MXD4: variants seen among roughly 807,000 people sequenced by gnomAD.
The protein encoded by MXD4 is MAX dimerization protein 4, also known as Mad4 homolog.
Under a neutral mutation model 24.5 loss-of-function variants are expected in MXD4, and 16 were observed. The ratio of observed to expected loss-of-function variants is 0.65; its 90% CI spans 0.44 to 0.99. The LOEUF (loss-of-function observed/expected upper bound fraction) is 0.99, where lower values mean the gene tolerates loss of function less well. Ranked by LOEUF, MXD4 falls within the 50% of genes least tolerant of loss-of-function variation. The pLI is 0.00. For missense variants in MXD4, 301 were observed against 301.5 expected (o/e 1.00, Z 0.01); for synonymous variants, 164 against 134.2 (o/e 1.22, Z -1.54).
At chr4:2,260,529 G>A (rs1206000379) in intron 2 of MXD4, 1 of 455,658 alleles carries the variant, frequency 2.2e-6, no homozygotes, top group Non-Finnish European at 4.4e-6. Flanking sequence ...GACTTGGTTT[G>A]GAGAGAAGCG....
At position 2,261,943 on chromosome 4, in the gene MXD4, G is replaced by A; in HGVS notation, c.38C>T (p.Ala13Val). The change falls in exon 1 of 6, where the codon GCC becomes GTC. Residue 13 changes from alanine (A) to valine (V), a missense_variant. By Grantham distance (64) the Ala-to-Val change is moderately conservative. Transcript: ENST00000337190. Reference sequence around the variant, plus strand: ...TCGATCCCTGCGCTCCAGGTACTCGGCCGCCTCCAGCAGGATCAGCAGGGA... The same window carrying A: ...TCGATCCCTGCGCTCCAGGTACTCGACCGCCTCCAGCAGGATCAGCAGGGA... ...LNSLLILLEAAEYLERRDREA... is the reference protein window; with the variant it reads ...LNSLLILLEAVEYLERRDREA... 1 of 1,455,808 alleles carries A rather than the reference G, an allele frequency of 6.9e-7. No homozygotes were observed. 90.2% of individuals were successfully genotyped at this position (1,455,808 alleles called of 1,614,324 possible).
intron 2 of MXD4, among the ~76,000 whole-genome samples, chr4:2,261,276 A>C (rs1051115487): frequency 6.6e-6 from 1 of 151,986 alleles, no homozygotes; most frequent in African/African-American, 2.4e-5. Context: ...TGGCAGAGCC[A>C]GTCGAAAGGA....
At chr4:2,253,696 G>A (rs550116999) in intron 3 of MXD4, 7 of 152,286 alleles carry the variant, frequency 4.6e-5, no homozygotes, top group South Asian at 2.1e-4. Context: ...GAGTAACGTC[G>A]GCAGGGACAG....
At position 2,261,781 on chromosome 4, in the gene MXD4, G is replaced by C. The variant is rs1298763057; in HGVS notation, c.108C>G (p.Asp36Glu). The change falls in exon 2 of 6, where the codon GAC becomes GAG. Residue 36 changes from aspartate (D) to glutamate (E), a missense_variant. Asp to Glu is a conservative substitution (Grantham distance 45, BLOSUM62 2). Coordinates refer to ENST00000337190, the MANE Select transcript of MXD4 (RefSeq NM_006454.3). ...GYASVLPFDG[D>E]FAREKTKAAG... ...CCGCCTTTGTTTTCTCCCTGGCGAA[G>C]TCGCCGTCGAAGGGCAGCACCGAGG... 7.0e-7 allele frequency: 1 copy of C among 1,431,798 alleles called. No individual in the cohort carries two copies. The highest frequency in any genetic ancestry group is 2.4e-5 in the Admixed American group (1 of 42,174). The allele number at this position is 1,431,798 out of a possible 1,614,324, so 88.7% of individuals were successfully genotyped here.
At chr4:2,260,497 C>G (rs1735517634) in intron 2 of MXD4, 1 of 453,868 alleles carries the variant, frequency 2.2e-6, no homozygotes, top group Admixed American at 2.4e-5. Context: ...AGCTCACGCC[C>G]CAGAGTTCTC....
chr4:2,254,906 G>C (rs1321404175), intron 3 of MXD4: 1 of 190,496 alleles, frequency 5.2e-6, no homozygotes, highest in Non-Finnish European at 1.1e-5. Flanking sequence ...GGTCTGAAGG[G>C]CCATCGATAC....
chr4:2,261,827 G>T lies in MXD4; in HGVS notation c.65-3C>A. The T allele has an allele frequency of 7.3e-7, 1 of 1,379,152 alleles. No individual in the cohort carries two copies. The highest frequency in any genetic ancestry group is 9.4e-7 in the Non-Finnish European group (1 of 1,063,280). 85.4% of individuals were successfully genotyped at this position (1,379,152 alleles called of 1,614,324 possible). A position where few individuals can be genotyped will look rare whatever the true frequency, so the allele number is the denominator to read the frequency against. The stretch of plus-strand genomic sequence containing the variant: ...CGAGGCGTAGCCGTGCTCGGCCTCT[G>T]CGGACACACGGCGCGGTCAGCGGCC... On this transcript the variant is annotated splice_region_variant and splice_polypyrimidine_tract_variant and intron_variant, in intron 1 of 5. Coordinates refer to ENST00000337190, the MANE Select transcript of MXD4 (RefSeq NM_006454.3).
chr4:2,251,789 C>A (rs1560112780), intron 4 of MXD4, among the ~76,000 whole-genome samples: 1 of 152,212 alleles, frequency 6.6e-6, no homozygotes, highest in Non-Finnish European at 1.5e-5. Flanking sequence ...AAGCTCCTGA[C>A]ACCCCAGCCT....
At chr4:2,254,112 G>C (rs1430828612) in intron 3 of MXD4, 1 of 152,098 alleles carries the variant, frequency 6.6e-6, no homozygotes, top group Non-Finnish European at 1.5e-5. Flanking sequence ...GTCCACTCTA[G>C]CAAATGGCTT....
Position 2,250,283 on chromosome 4 carries a change from G to A in MXD4, c.*261C>T, listed in dbSNP as rs2108787690. On this transcript the variant is annotated 3_prime_UTR_variant, in exon 6 of 6. Coordinates refer to ENST00000337190, the MANE Select transcript of MXD4 (RefSeq NM_006454.3). Reference sequence around the variant, plus strand: ...GATTAGGAATCTGAGAACAGACCGTGGGCGGCTATGCTGACCAGGGCTCCG... The same window carrying A: ...GATTAGGAATCTGAGAACAGACCGTAGGCGGCTATGCTGACCAGGGCTCCG... The A allele has an allele frequency of 1.8e-6, 1 of 554,854 alleles. No homozygotes were observed. The highest frequency in any genetic ancestry group is 3.4e-5 in the Admixed American group (1 of 29,778). The allele number at this position is 554,854 out of a possible 1,614,324, so 34.4% of individuals were successfully genotyped here. A position where few individuals can be genotyped will look rare whatever the true frequency, so the allele number is the denominator to read the frequency against.
intron 5 of MXD4, 46 bp downstream of exon 5, chr4:2,251,038 C>G (rs763707328): frequency 2.0e-6 from 3 of 1,492,600 alleles, no homozygotes; most frequent in Non-Finnish European, 2.7e-6. Context: ...TGCACCACTG[C>G]GCACCCGGAG....
At position 2,251,154 on chromosome 4, in the gene MXD4, C is replaced by T. The variant is rs144352901; in HGVS notation, c.402G>A (p.Ser134=). The T allele has an allele frequency of 1.1e-4, 184 of 1,600,498 alleles. No homozygotes were observed. Among genetic ancestry groups the T allele is most frequent in the African/African-American group, 1.1e-3 (79 of 74,738 alleles). ...TGCGCACGCGCTCCACGCTCTGCACCGACAGCTGCTCCAGGCGCCGCTTCA... is the reference window on the plus strand; with the variant it reads ...TGCGCACGCGCTCCACGCTCTGCACTGACAGCTGCTCCAGGCGCCGCTTCA... The part of the protein sequence containing the change: ...RFLKRRLEQL[S]VQSVERVRTD... Residue 134 remains serine (S), a synonymous_variant, in exon 5 of 6, where the codon TCG becomes TCA. Transcript: ENST00000337190.
chr4:2,260,418 G>C (rs879666439), intron 2 of MXD4: 57 of 383,278 alleles, frequency 1.5e-4, no homozygotes, highest in Non-Finnish European at 3.7e-5. Context: ...CAGCATAGAG[G>C]CAGTGTTCGG....
At chr4:2,259,204 T>G in intron 2 of MXD4, 2 of 332,782 alleles carry the variant, frequency 6.0e-6, no homozygotes, top group South Asian at 4.3e-5. Context: ...TGGCGTCTCC[T>G]GTCCCAACCA....
At chr4:2,261,555 G>C (rs1478174079) in intron 2 of MXD4, among the ~76,000 whole-genome samples, 170 bp downstream of exon 2, 1 of 147,536 alleles carries the variant, frequency 6.8e-6, no homozygotes, top group African/African-American at 2.4e-5. Flanking sequence ...GGGGCCGGCC[G>C]GGCGGGGCTG....
chr4:2,252,423 G>A lies in MXD4; in HGVS notation c.294C>T (p.Ala98=), dbSNP rs1432354120. ...RHTTLSLLKR[A]KVHIKKLEEQ... is the part of the protein sequence containing the mutation. ...GCCCACTCACCTTGATGTGCACCTT[G>A]GCCCGCTTCAGGAGGCTCAGCGTGG... The change falls in exon 4 of 6, where the codon GCC becomes GCT. Residue 98 remains alanine (A), a synonymous_variant. Coordinates refer to ENST00000337190, the MANE Select transcript of MXD4 (RefSeq NM_006454.3). 6.2e-7 allele frequency: 1 copy of A among 1,612,882 alleles called. No homozygotes were observed. Among genetic ancestry groups the A allele is most frequent in the Non-Finnish European group, 8.5e-7 (1 of 1,179,858 alleles).
At chr4:2,254,298 A>C (rs1400981807) in intron 3 of MXD4, 1 of 152,236 alleles carries the variant, frequency 6.6e-6, no homozygotes, top group Non-Finnish European at 1.5e-5. Flanking sequence ...CATGAATGTT[A>C]AGTGAAAAAT....
rs753941859 is a variant in MXD4 at position 2,250,511 on chromosome 4, G to A, written c.*33C>T. On this transcript the variant is annotated 3_prime_UTR_variant, in exon 6 of 6. Transcript: ENST00000337190. ...TGGAGGGCTGACACGCGTGGCTGGCGGGCAGGCAGGCCAAGGAGCAGAGGG... is the reference window on the plus strand; with the variant it reads ...TGGAGGGCTGACACGCGTGGCTGGCAGGCAGGCAGGCCAAGGAGCAGAGGG... 2.4e-5 allele frequency: 36 copies of A among 1,523,818 alleles called. No individual in the cohort carries two copies. Among genetic ancestry groups the A allele is most frequent in the South Asian group, 3.7e-5 (3 of 81,142 alleles). The allele number at this position is 1,523,818 out of a possible 1,614,324, so 94.4% of individuals were successfully genotyped here.
chr4:2,251,946 C>T (rs1486363437), intron 4 of MXD4, among the ~76,000 whole-genome samples: 1 of 152,156 alleles, frequency 6.6e-6, no homozygotes, highest in Non-Finnish European at 1.5e-5. Context: ...CTCCCTGAGC[C>T]CAGACCCACT....
Sources: allele counts gnomAD v4.1 joint callset (sites outside exome capture counted in the v4.1 genomes callset), GRCh38; gene constraint gnomAD v4.1.1; transcripts MANE v1.5; gene names NCBI Gene and HGNC (gene_info 2026-07-23, HGNC 2026-07-21).